Variants in ZNF385D observed in about 807,000 individuals in gnomAD.
ZNF385D encodes the protein zinc finger protein 659.
ZNF385D carries 15 observed loss-of-function variants against 35.8 expected under a neutral mutation model. The observed-to-expected ratio is 0.42, with a 90% CI of 0.28 to 0.64. The LOEUF is 0.64. ZNF385D is among the 30% of genes least tolerant of loss of function. ZNF385D has a pLI of 0.23. For missense variants in ZNF385D, 474 were observed against 494.6 expected, an observed-to-expected ratio of 0.96 and a Z score of 0.39; for synonymous variants, 212 against 186.8, an observed-to-expected ratio of 1.13 and a Z score of -1.10.
At chr3:21,709,546 C>T (rs1274266030) in intron 1 of ZNF385D, among the ~76,000 whole-genome samples, 3 of 152,120 alleles carry the variant, frequency 2.0e-5, no homozygotes, top group African/African-American at 7.2e-5. Context: ...CTTGTCTACT[C>T]TTAAAGCATC....
intron 2 of ZNF385D, among the ~76,000 whole-genome samples, chr3:21,641,202 A>G (rs561210118): frequency 2.0e-5 from 3 of 152,048 alleles, no homozygotes; most frequent in Non-Finnish European, 4.4e-5. Context: ...GTCCACTTTC[A>G]TCAACACTGG....
At chr3:21,915,867 C>A (rs1700169748) in intron 3 of ZNF385D, among the ~76,000 whole-genome samples, 1 of 152,094 alleles carries the variant, frequency 6.6e-6, no homozygotes, top group South Asian at 2.1e-4. Flanking sequence ...CTTTACCAAA[C>A]ACGGCAAAAA....
At chr3:21,635,672 A>T (rs2065408562) in intron 2 of ZNF385D, among the ~76,000 whole-genome samples, 1 of 152,032 alleles carries the variant, frequency 6.6e-6, no homozygotes, top group Non-Finnish European at 1.5e-5. Flanking sequence ...AGCAGTATAC[A>T]CTGAACCGAA....
chr3:21,817,732 G>A (rs1032013385), intron 3 of ZNF385D, among the ~76,000 whole-genome samples: 1 of 152,206 alleles, frequency 6.6e-6, no homozygotes, highest in Non-Finnish European at 1.5e-5. Flanking sequence ...TGGTGGGACT[G>A]TAAACTAGTT....
intron 4 of ZNF385D, among the ~76,000 whole-genome samples, chr3:21,481,248 C>T (rs1704608159): frequency 6.6e-6 from 1 of 152,158 alleles, no homozygotes; most frequent in African/African-American, 2.4e-5. Context: ...CTAACAGACT[C>T]TTTCTTTAGA....
intron 2 of ZNF385D, among the ~76,000 whole-genome samples, chr3:22,193,221 C>T (rs1696178177): frequency 6.6e-6 from 1 of 152,114 alleles, no homozygotes; most frequent in Admixed American, 6.6e-5. Flanking sequence ...TATTTCCCCT[C>T]CAGGCAGAAT....
chr3:21,928,025 A>G (rs1427043885), intron 3 of ZNF385D, among the ~76,000 whole-genome samples: 1 of 152,048 alleles, frequency 6.6e-6, no homozygotes, highest in African/African-American at 2.4e-5. Context: ...GGAGATCAAG[A>G]CCACCCCAGG....
intron 3 of ZNF385D, among the ~76,000 whole-genome samples, chr3:21,903,073 C>T (rs948177962): frequency 6.6e-6 from 1 of 152,154 alleles, no homozygotes; most frequent in African/African-American, 2.4e-5. Context: ...GCAGTGCTAG[C>T]TTTGCAACCC....
At chr3:22,361,604 C>T (rs933876512) in intron 2 of ZNF385D, among the ~76,000 whole-genome samples, 1 of 152,036 alleles carries the variant, frequency 6.6e-6, no homozygotes. Flanking sequence ...TTCTCATCTC[C>T]ATTCCATTCA....
chr3:22,179,613 C>G (rs1017720807), intron 2 of ZNF385D, among the ~76,000 whole-genome samples: 9 of 152,148 alleles, frequency 5.9e-5, no homozygotes, highest in Non-Finnish European at 1.3e-4. Context: ...GCCAGAACTT[C>G]GAATACTATG....
chr3:21,994,236 T>C (rs1302627053), intron 3 of ZNF385D, among the ~76,000 whole-genome samples: 1 of 152,180 alleles, frequency 6.6e-6, no homozygotes, highest in Admixed American at 6.5e-5. Context: ...CTACATACTG[T>C]TTTTACTTAA....
In ZNF385D at chr3:22,082,371, C is replaced by T. The variant is rs905301332; in HGVS notation, c.325+86446G>A. ...CCTAATACTGCACTTTTCCAATGGT[C>T]TTAGCAAATGGCACACCAGGGGATT... is the stretch of plus-strand genomic sequence containing the variant. On this transcript the variant is annotated intron_variant, in intron 3 of 5. Transcript: ENST00000494108. Among the ~76,000 whole-genome samples the T allele has an allele frequency of 2.6e-5, 4 of 152,162 alleles. No homozygotes were observed. In the South Asian group the frequency reaches 8.3e-4, roughly 32 times the overall value.
chr3:21,449,740 G>A (rs1311868583), intron 4 of ZNF385D, among the ~76,000 whole-genome samples: 2 of 152,110 alleles, frequency 1.3e-5, no homozygotes, highest in Admixed American at 6.6e-5. Context: ...TGTTTCTCTA[G>A]CAATGAAAAA....
At chr3:22,066,578 G>A (rs981228097) in intron 3 of ZNF385D, among the ~76,000 whole-genome samples, 1 of 108,224 alleles carries the variant, frequency 9.2e-6, no homozygotes, top group African/African-American at 3.7e-5. Flanking sequence ...GTGTGTGTGT[G>A]TGTAAGTAAA....
intron 4 of ZNF385D, among the ~76,000 whole-genome samples, chr3:21,491,633 G>T (rs551960512): frequency 2.0e-5 from 3 of 152,116 alleles, no homozygotes; most frequent in Middle Eastern, 3.2e-3. Flanking sequence ...GCCAAAGTAG[G>T]CTTGCTGCCT....
At chr3:21,663,891 ATATATATATATAT>A (rs2066311797) in intron 2 of ZNF385D, among the ~76,000 whole-genome samples, 1 of 25,194 alleles carries the variant, frequency 4.0e-5, no homozygotes, top group African/African-American at 1.5e-4. Flanking sequence ...TGTGGGCCGA[ATATATATATATAT>A]ATATATATAT....
chr3:21,994,514 AT>A lies in ZNF385D; in HGVS notation c.325+174302del, dbSNP rs201637052. ...AGCTTTATTATGATCACCATTTTATATTTTTTTTTAGGCATTTCATAGATTT... is the reference window on the plus strand; with the variant it reads ...AGCTTTATTATGATCACCATTTTATATTTTTTTTAGGCATTTCATAGATTT... On this transcript the variant is annotated intron_variant, in intron 3 of 5. Transcript: ENST00000494108. Among the ~76,000 whole-genome samples the A allele has an allele frequency of 6.1e-3, 922 of 150,874 alleles. 6 individuals carry two copies. The highest frequency in any genetic ancestry group is 0.029 in the East Asian group (150 of 5,098).
At position 21,787,981 on chromosome 3, in the gene ZNF385D, A is replaced by AAG. The variant is rs1559622276; in HGVS notation, c.326-122955_326-122954dup. On this transcript the variant is annotated intron_variant, in intron 3 of 5. Transcript: ENST00000494108. Reference sequence around the variant, plus strand: ...AAAAAAAAAAAAAAAAAAAAAAAAAAAGAGAGAGAGAGAGCAATAGTTAAT... The same window carrying AAG: ...AAAAAAAAAAAAAAAAAAAAAAAAAAAGAGAGAGAGAGAGAGCAATAGTTAAT... 2.9e-3 allele frequency among the ~76,000 whole-genome samples: 308 copies of AAG among 104,878 alleles called. 11 individuals are homozygous for AAG. The highest frequency in any genetic ancestry group is 0.01 in the East Asian group (47 of 4,512). The allele number at this position is 104,878 out of a possible 152,430, so 68.8% of individuals were successfully genotyped here.
intron 2 of ZNF385D, among the ~76,000 whole-genome samples, chr3:22,210,285 A>G (rs1231663329): frequency 1.3e-5 from 2 of 152,070 alleles, no homozygotes; most frequent in East Asian, 3.9e-4. Flanking sequence ...ATGTCTCAAC[A>G]GGGATTTTTT....
Sources: gnomAD v4.1 joint callset for allele counts (sites outside exome capture counted in the v4.1 genomes callset) on GRCh38, gnomAD v4.1.1 for gene constraint, MANE v1.5 for transcripts, NCBI Gene and HGNC (gene_info 2026-07-23, HGNC 2026-07-21) for gene names.